TIMM23: variants seen among roughly 807,000 people sequenced by gnomAD.
The protein encoded by TIMM23 is mitochondrial import inner membrane translocase subunit Tim23.
A neutral mutation model predicts 30.7 loss-of-function variants in TIMM23; 19 were observed. That is an observed-to-expected ratio of 0.62 (90% CI 0.43 to 0.91). The LOEUF (loss-of-function observed/expected upper bound fraction) is 0.91, where lower values mean the gene tolerates loss of function less well. Ranked by LOEUF, TIMM23 falls within the 40% of genes least tolerant of loss-of-function variation. The probability of loss-of-function intolerance (pLI) is 0.00; values close to 1 mark genes in which losing one functional copy is unlikely to be tolerated. For synonymous variants in TIMM23, 78 were observed against 98.5 expected (o/e 0.79, Z 1.23); for missense variants, 202 against 269.2 (o/e 0.75, Z 1.75).
At chr10:45,989,098 C>T (rs1838081527) in intron 6 of TIMM23, among the ~76,000 whole-genome samples, 1 of 152,100 alleles carries the variant, frequency 6.6e-6, no homozygotes, top group Non-Finnish European at 1.5e-5. Context: ...GGAACTTTTT[C>T]ATCTTGCAAA....
At chr10:45,976,237 A>G (rs1437455464) in intron 2 of TIMM23, among the ~76,000 whole-genome samples, 15 of 151,688 alleles carry the variant, frequency 9.9e-5, no homozygotes, top group African/African-American at 3.6e-4. Context: ...AGGAAAGAAT[A>G]TAGTACAAAG....
chr10:45,992,303 T>C, intron 6 of TIMM23: 1 of 449,328 alleles, frequency 2.2e-6, no homozygotes, highest in South Asian at 1.6e-5. Context: ...TGTGTCCTTT[T>C]AGGAGAGTTT....
intron 6 of TIMM23, among the ~76,000 whole-genome samples, chr10:45,991,155 A>G (rs1392127689): frequency 5.3e-5 from 8 of 152,336 alleles, no homozygotes; most frequent in South Asian, 2.1e-4. Flanking sequence ...AGACCTTAAG[A>G]ATGGACTGAA....
At chr10:45,974,589 T>A (rs1837608691) in intron 1 of TIMM23, among the ~76,000 whole-genome samples, 1 of 152,154 alleles carries the variant, frequency 6.6e-6, no homozygotes, top group South Asian at 2.1e-4. Flanking sequence ...GGTAAGGAGT[T>A]TCGATTTTCT....
At chr10:45,989,296 A>G (rs4962282) in intron 6 of TIMM23, among the ~76,000 whole-genome samples, 1 of 152,198 alleles carries the variant, frequency 6.6e-6, no homozygotes, top group Non-Finnish European at 1.5e-5. Flanking sequence ...ATGTTGTTGC[A>G]TGTGCCAGAA....
chr10:45,996,710 G>T (rs1380511476), intron 6 of TIMM23, among the ~76,000 whole-genome samples: 2 of 152,082 alleles, frequency 1.3e-5, no homozygotes, highest in African/African-American at 2.4e-5. Flanking sequence ...TACAGGCTGG[G>T]TGTGGTAGCT....
chr10:45,994,281 A>C (rs1395774931), intron 6 of TIMM23, among the ~76,000 whole-genome samples: 1 of 152,100 alleles, frequency 6.6e-6, no homozygotes, highest in African/African-American at 2.4e-5. Flanking sequence ...GGTGGTTGCC[A>C]TGAGGCAAGA....
intron 6 of TIMM23, among the ~76,000 whole-genome samples, chr10:45,996,964 CAAACAAA>C (rs1303223038): frequency 1.8e-5 from 2 of 111,786 alleles, no homozygotes; most frequent in South Asian, 3.1e-4. Flanking sequence ...GACCCTGTGT[CAAACAAA>C]AAAAAAAAAA....
At chr10:45,986,819 G>GTT (rs1838004141) in intron 5 of TIMM23, among the ~76,000 whole-genome samples, 1 of 151,678 alleles carries the variant, frequency 6.6e-6, no homozygotes, top group Non-Finnish European at 1.5e-5. Flanking sequence ...GTGTGTGTGT[G>GTT]TGTGTATGTG....
At chr10:45,999,255 C>T (rs1239112625) in intron 6 of TIMM23, among the ~76,000 whole-genome samples, 1 of 152,176 alleles carries the variant, frequency 6.6e-6, no homozygotes, top group Admixed American at 6.6e-5. Context: ...ATCCTCTCAC[C>T]TCATCCTCCC....
intron 4 of TIMM23, among the ~76,000 whole-genome samples, chr10:45,984,302 A>G (rs1837938429): frequency 6.6e-6 from 1 of 152,168 alleles, no homozygotes. Context: ...ATTTTGAGAC[A>G]AAAACCCCAA....
At chr10:45,986,742 T>TA (rs1837999519) in intron 5 of TIMM23, among the ~76,000 whole-genome samples, 1 of 152,166 alleles carries the variant, frequency 6.6e-6, no homozygotes. Flanking sequence ...GTGCTAGTGT[T>TA]ATAATACGTG....
At chr10:45,990,489 A>G (rs1459051279) in intron 6 of TIMM23, among the ~76,000 whole-genome samples, 1 of 150,072 alleles carries the variant, frequency 6.7e-6, no homozygotes, top group Non-Finnish European at 1.5e-5. Flanking sequence ...TGGCACAATC[A>G]AGGCTCACTG....
chr10:45,979,215 ACT>A (rs781992922), intron 2 of TIMM23, among the ~76,000 whole-genome samples: 43 of 152,270 alleles, frequency 2.8e-4, no homozygotes, highest in Admixed American at 1.1e-3. Context: ...TGGTTGCACG[ACT>A]CTGAATATAC....
Position 46,003,296 on chromosome 10 carries a change from C to G in TIMM23, c.608C>G (p.Ser203Cys), listed in dbSNP as rs1838610645. ...LYNNWEHMKGSLLQQSL is the reference protein window; with the variant it reads ...LYNNWEHMKGCLLQQSL ...AATAACTGGGAGCACATGAAAGGCT[C>G]CTTGCTCCAACAGTCACTCTGAAGA... The change falls in exon 7 of 7, where the codon TCC becomes TGC. Residue 203 changes from serine to cysteine, a missense_variant. By Grantham distance (112) the Ser-to-Cys change is moderately radical. Coordinates refer to ENST00000580018, the MANE Select transcript of TIMM23 (RefSeq NM_006327.4). 6.2e-7 allele frequency: 1 copy of G among 1,613,892 alleles called. No homozygotes were observed. The highest frequency in any genetic ancestry group is 8.5e-7 in the Non-Finnish European group (1 of 1,179,906).
rs1260803258 is a variant in TIMM23 at position 46,003,238 on chromosome 10, G to C, written c.550G>C (p.Gly184Arg). The C allele has an allele frequency of 6.2e-7, 1 of 1,614,018 alleles. No individual in the cohort carries two copies. The highest frequency in any genetic ancestry group is 8.5e-7 in the Non-Finnish European group (1 of 1,180,010). The change falls in exon 7 of 7, where the codon GGA (glycine) becomes CGA (arginine). Residue 184 changes from glycine to arginine, a missense_variant. Physicochemically the swap from Gly to Arg is moderately radical, Grantham distance 125. Transcript: ENST00000580018. ...AGGGATAGCACGAGGTGGTCTGACA[G>C]GACTAACACTTACCAGCCTCTATGC... ...LRGIARGGLTGLTLTSLYALY... is the reference protein window; with the variant it reads ...LRGIARGGLTRLTLTSLYALY...
intron 6 of TIMM23, among the ~76,000 whole-genome samples, chr10:45,990,283 TG>T (rs1169855330): frequency 2.0e-5 from 3 of 151,636 alleles, no homozygotes; most frequent in African/African-American, 7.3e-5. Context: ...CCATCACATC[TG>T]GCTAATTCTT....
At chr10:45,990,205 C>G (rs1256389212) in intron 6 of TIMM23, among the ~76,000 whole-genome samples, 1 of 151,600 alleles carries the variant, frequency 6.6e-6, no homozygotes, top group East Asian at 1.9e-4. Context: ...TCACTGCAAC[C>G]TCCACCTCCT....
intron 6 of TIMM23, among the ~76,000 whole-genome samples, chr10:45,996,846 T>C (rs1369558200): frequency 2.6e-5 from 4 of 151,390 alleles, no homozygotes; most frequent in African/African-American, 9.7e-5. Flanking sequence ...GCACCTGTAG[T>C]CCCAATTACT....
Sources: allele counts gnomAD v4.1 joint callset (sites outside exome capture counted in the v4.1 genomes callset), GRCh38; gene constraint gnomAD v4.1.1; transcripts MANE v1.5; gene names NCBI Gene and HGNC (gene_info 2026-07-23, HGNC 2026-07-21).